The following SSBP4 variants were observed in gnomAD, a reference collection of about 807,000 sequenced individuals.
SSBP4 encodes single-stranded DNA-binding protein 4.
SSBP4 carries 33 observed loss-of-function variants against 64.6 expected under a neutral mutation model. The observed-to-expected ratio is 0.51, with a 90% CI of 0.39 to 0.68. The LOEUF is 0.68. SSBP4 is among the 30% of genes least tolerant of loss of function. The pLI is 0.00. For missense variants in SSBP4, 583 were observed against 566.8 expected, an observed-to-expected ratio of 1.03 and a Z score of -0.29; for synonymous variants, 243 against 224.0, an observed-to-expected ratio of 1.08 and a Z score of -0.76.
In SSBP4 at chr19:18,426,012, TGAA is replaced by T. The variant is rs1972831538; in HGVS notation, c.60-1334_60-1332del. 1 of 152,182 alleles carries T rather than the reference TGAA, an allele frequency of 6.6e-6. No individual in the cohort carries two copies. The highest frequency in any genetic ancestry group is 2.4e-5 in the African/African-American group (1 of 41,340). 9.4% of individuals were successfully genotyped at this position (152,182 alleles called of 1,614,324 possible). On this transcript the variant is annotated intron_variant, in intron 1 of 17. Coordinates refer to ENST00000270061, the MANE Select transcript of SSBP4 (RefSeq NM_032627.5). This position sits in a 1 kb window ranked among gnomAD's most constrained non-coding sequence, Gnocchi z 4.5. ...ACTTCATGGATGCTGGAGGAACTAA[TGAA>T]GAAGTGAATGAACGAAGGAGGGGAG...
At chr19:18,412,117 A>G in the SSBP4 span, among the ~76,000 whole-genome samples, 2 of 152,008 alleles carry the variant, frequency 1.3e-5, no homozygotes, top group African/African-American at 4.8e-5. Flanking sequence ...GTGAGCTGTG[A>G]TTGTGCCACT....
At chr19:18,428,057 G>A in intron 4 of SSBP4, 75 bp downstream of exon 4, 2 of 1,414,600 alleles carry the variant, frequency 1.4e-6, no homozygotes, top group Non-Finnish European at 1.9e-6. Flanking sequence ...GAGGTGGGGT[G>A]GGGGGCTGCA....
chr19:18,434,168 T>C, intron 17 of SSBP4, 49 bp from the exon 18 acceptor site: 1 of 1,608,126 alleles, frequency 6.2e-7, no homozygotes, highest in Non-Finnish European at 8.5e-7. Context: ...CCCAGCCTCT[T>C]CCGGAGCTGA....
the SSBP4 span, among the ~76,000 whole-genome samples, chr19:18,412,332 G>C: frequency 8.8e-4 from 132 of 150,526 alleles, 2 homozygotes; most frequent in Admixed American, 8.3e-3. Context: ...GTGGTGGCAG[G>C]CGCCTGTAAT....
chr19:18,427,763 G>C lies in SSBP4; in HGVS notation c.144G>C (p.Glu48Asp). Residue 48 changes from glutamate (E) to aspartate (D), a missense_variant, in exon 3 of 18, where the codon GAG becomes GAC. This residue lies in a region of SSBP4 where 43 missense variants were observed against 74.2 expected (regional missense o/e 0.58). Coordinates refer to ENST00000270061, the MANE Select transcript of SSBP4 (RefSeq NM_032627.5). The surrounding 1 kb of genome is among the most constrained non-coding windows in gnomAD (Gnocchi z 4.4). ...AQTFLSEIRW[E>D]KNITLGEPPG... ...TCCTTTCCCTGCAGATCCGATGGGA[G>C]AAGAACATCACGCTGGGGGAGCCCC... The C allele has an allele frequency of 6.3e-7, 1 of 1,599,110 alleles. No individual in the cohort carries two copies. Among genetic ancestry groups the C allele is most frequent in the East Asian group, 2.2e-5 (1 of 44,584 alleles).
the SSBP4 span, among the ~76,000 whole-genome samples, chr19:18,408,359 G>A: frequency 1.3e-5 from 2 of 152,084 alleles, no homozygotes; most frequent in African/African-American, 2.4e-5. Context: ...GGTGGCCCAC[G>A]TTGAACCTGC....
Position 18,423,261 on chromosome 19 carries a change from A to G in SSBP4, c.59+3554A>G, listed in dbSNP as rs76538980. 7.7e-3 allele frequency among the ~76,000 whole-genome samples: 1,174 copies of G among 152,224 alleles called. 16 individuals are homozygous for G. The highest frequency in any genetic ancestry group is 0.026 in the African/African-American group (1,094 of 41,550). On this transcript the variant is annotated intron_variant, in intron 1 of 17. Coordinates refer to ENST00000270061, the MANE Select transcript of SSBP4 (RefSeq NM_032627.5). This position sits in a 1 kb window ranked among gnomAD's most constrained non-coding sequence, Gnocchi z 4.0. ...CCCGGGCTTGATTTTGAGCCGGCAC[A>G]TGGATGTCGGTGGCTTGTTCATCAG... is the stretch of plus-strand genomic sequence containing the variant.
chr19:18,403,846 A>G, the SSBP4 span, among the ~76,000 whole-genome samples: 1 of 151,846 alleles, frequency 6.6e-6, no homozygotes, highest in Non-Finnish European at 1.5e-5. Context: ...GGGAAAGGGG[A>G]CAGCTCAAGG....
Position 18,427,213 on chromosome 19 carries a change from G to A in SSBP4, c.60-138G>A. 2 of 826,788 alleles carry A rather than the reference G, an allele frequency of 2.4e-6. No individual in the cohort carries two copies. The highest frequency in any genetic ancestry group is 5.0e-5 in the Admixed American group (2 of 39,948). 51.2% of individuals were successfully genotyped at this position (826,788 alleles called of 1,614,324 possible). On this transcript the variant is annotated intron_variant, in intron 1 of 17. Coordinates refer to ENST00000270061, the MANE Select transcript of SSBP4 (RefSeq NM_032627.5). The surrounding 1 kb of genome is among the most constrained non-coding windows in gnomAD (Gnocchi z 4.4). ...TGGGAGGGGCCTGCAGGACATAGAT[G>A]GATAACTATGAGCTGTCCCTGCTGA... is the stretch of plus-strand genomic sequence containing the variant.
chr19:18,413,694 T>G, the SSBP4 span, among the ~76,000 whole-genome samples: 1 of 152,132 alleles, frequency 6.6e-6, no homozygotes, highest in African/African-American at 2.4e-5. Context: ...GTCGGAGACC[T>G]TAGGGAGACT....
the SSBP4 span, among the ~76,000 whole-genome samples, chr19:18,406,518 T>C: frequency 6.6e-6 from 1 of 151,826 alleles, no homozygotes; most frequent in Admixed American, 6.6e-5. Context: ...CCTGGTGGTG[T>C]GCGCCTGTAG....
rs537336342 is a variant in SSBP4, at chr19:18,426,376, A to G, written c.60-975A>G. On this transcript the variant is annotated intron_variant, in intron 1 of 17. Coordinates refer to ENST00000270061, the MANE Select transcript of SSBP4 (RefSeq NM_032627.5). The surrounding 1 kb of genome is among the most constrained non-coding windows in gnomAD (Gnocchi z 4.5). ...CCTCTGGTACCCTGTCTTGAATCTA[A>G]GAGTCCCCCAACCCCCAGCAGACTC... Among the ~76,000 whole-genome samples the G allele has an allele frequency of 4.2e-4, 64 of 152,288 alleles. 1 individual carries two copies. The South Asian group carries it at 0.013, about 30-fold the overall frequency.
At chr19:18,434,009 C>G in intron 17 of SSBP4, 192 bp downstream of exon 17, 2 of 1,131,942 alleles carry the variant, frequency 1.8e-6, no homozygotes, top group Non-Finnish European at 2.2e-6. Context: ...TCCTATTTCA[C>G]CGTCCCGATC....
upstream of SSBP4, among the ~76,000 whole-genome samples, chr19:18,414,858 C>A (rs954031960): frequency 6.6e-6 from 1 of 152,174 alleles, no homozygotes; most frequent in Non-Finnish European, 1.5e-5. Context: ...CCGGTCAAGG[C>A]CACACAGTGA....
chr19:18,412,162 C>G, the SSBP4 span, among the ~76,000 whole-genome samples: 1 of 151,468 alleles, frequency 6.6e-6, no homozygotes, highest in Non-Finnish European at 1.5e-5. Flanking sequence ...GAGACTGTCT[C>G]TAAAAAAAGG....
upstream of SSBP4, chr19:18,419,298 A>T (rs1049195775): frequency 7.0e-6 from 7 of 999,976 alleles, no homozygotes; most frequent in African/African-American, 3.5e-5. Flanking sequence ...CGGCGGCGGG[A>T]CCCACCCGCG....
chr19:18,431,012 A>G lies in SSBP4; in HGVS notation c.369+82A>G. 3.4e-6 allele frequency: 5 copies of G among 1,483,408 alleles called. No individual in the cohort carries two copies. The South Asian group carries it at 5.9e-5, about 17-fold the overall frequency. 91.9% of individuals were successfully genotyped at this position (1,483,408 alleles called of 1,614,324 possible). On this transcript the variant is annotated intron_variant, in intron 5 of 17. Coordinates refer to ENST00000270061, the MANE Select transcript of SSBP4 (RefSeq NM_032627.5). ...GGTGGGGGGGGTCCCACGTGGGCAGAGGTCATGAGGCCGGCAGGCTGGAGT... is the reference window on the plus strand; with the variant it reads ...GGTGGGGGGGGTCCCACGTGGGCAGGGGTCATGAGGCCGGCAGGCTGGAGT...
Position 18,427,901 on chromosome 19 carries a change from C to A in SSBP4, c.198C>A (p.Val66=), listed in dbSNP as rs1376986975. 1 of 1,613,854 alleles carries A rather than the reference C, an allele frequency of 6.2e-7. No individual in the cohort carries two copies. The highest frequency in any genetic ancestry group is 1.3e-5 in the African/African-American group (1 of 74,908). Residue 66 remains valine, a synonymous_variant, in exon 4 of 18, where the codon GTC becomes GTA. Transcript: ENST00000270061. This position sits in a 1 kb window ranked among gnomAD's most constrained non-coding sequence, Gnocchi z 4.4. ...PPGFLHSWWC[V]FWDLYCAAPD... ...CATCTTCCCCTTTGGCCCACAGCGTCTTCTGGGACCTGTACTGCGCGGCGC... is the reference window on the plus strand; with the variant it reads ...CATCTTCCCCTTTGGCCCACAGCGTATTCTGGGACCTGTACTGCGCGGCGC...
At chr19:18,431,031 C>T in intron 5 of SSBP4, 101 bp downstream of exon 5, 1 of 1,387,160 alleles carries the variant, frequency 7.2e-7, no homozygotes, top group Non-Finnish European at 9.9e-7. Context: ...GGCCGGCAGG[C>T]TGGAGTTGGG....
Sources: gnomAD v4.1 joint callset for allele counts (sites outside exome capture counted in the v4.1 genomes callset) on GRCh38, gnomAD v4.1.1 for gene constraint, gnomAD v4.1.1 regional missense constraint, Gnocchi (gnomAD v3.1) non-coding constraint, MANE v1.5 for transcripts, NCBI Gene and HGNC (gene_info 2026-07-23, HGNC 2026-07-21) for gene names.